RNF213: variants seen among roughly 807,000 people sequenced by gnomAD.
RNF213 encodes the protein ring finger protein 213, also known as E3 ubiquitin-protein ligase RNF213.
Under a neutral mutation model 514.4 loss-of-function variants are expected in RNF213, and 341 were observed. The observed-to-expected ratio is 0.66, with a 90% CI of 0.61 to 0.73. The LOEUF (loss-of-function observed/expected upper bound fraction) is 0.73. Ranked by LOEUF, RNF213 falls within the 30% of genes least tolerant of loss-of-function variation. The pLI is 0.00. For missense variants in RNF213, 5,767 were observed against 6,615.6 expected (o/e 0.87, Z 4.45); for synonymous variants, 2,655 against 2,658.2 (o/e 1.00, Z 0.04).
intron 26 of RNF213, 121 bp downstream of exon 26, chr17:80,340,477 T>A: frequency 2.1e-6 from 2 of 960,360 alleles, no homozygotes; most frequent in Non-Finnish European, 3.1e-6. Flanking sequence ...AGGGTGTGAT[T>A]CATCTGTGGG....
intron 54 of RNF213, among the ~76,000 whole-genome samples, chr17:80,378,952 T>C (rs1165366508): frequency 6.6e-6 from 1 of 152,188 alleles, no homozygotes; most frequent in Non-Finnish European, 1.5e-5. Context: ...GGCAGGTGGA[T>C]TGCTAGATCC....
At position 80,324,258 on chromosome 17, in the gene RNF213, T is replaced by TC. The variant is rs547920453; in HGVS notation, c.3025-770dup. On this transcript the variant is annotated intron_variant, in intron 17 of 67. Coordinates refer to ENST00000582970, the MANE Select transcript of RNF213 (RefSeq NM_001256071.3). ...ATGCCCTTTATCAGTTTGTGGAAGT[T>TC]CCTTTTTGTTCCTCATTTGTTGAAT... Among the ~76,000 whole-genome samples the TC allele has an allele frequency of 1.6e-4, 24 of 152,350 alleles. No individual in the cohort carries two copies. In the East Asian group the frequency reaches 3.3e-3, roughly 21 times the overall value.
chr17:80,343,341 C>T lies in RNF213; in HGVS notation c.6183+16C>T, dbSNP rs759103836. ...GACCTCCTCAGTAAGTGCCCTCCAG[C>T]GTCAGCCGATGGCCACATCAGTAAA... On this transcript the variant is annotated intron_variant, in intron 27 of 67. Transcript: ENST00000582970. This position sits in a 1 kb window ranked among gnomAD's most constrained non-coding sequence, Gnocchi z 4.3. 7.5e-6 allele frequency: 12 copies of T among 1,605,852 alleles called. No individual in the cohort carries two copies. Among genetic ancestry groups the T allele is most frequent in the South Asian group, 2.2e-5 (2 of 90,318 alleles).
chr17:80,354,282 AG>A (rs1375739793), intron 35 of RNF213, 116 bp downstream of exon 35: 5 of 1,497,618 alleles, frequency 3.3e-6, no homozygotes, highest in Non-Finnish European at 4.6e-6. Context: ...GCTCAGCAGA[AG>A]CAGTGACACA....
At position 80,356,415 on chromosome 17, in the gene RNF213, G is replaced by A. The variant is rs754092717; in HGVS notation, c.10862+1839G>A. 7.2e-5 allele frequency among the ~76,000 whole-genome samples: 11 copies of A among 152,340 alleles called. No individual in the cohort carries two copies. In the Middle Eastern group the frequency reaches 0.01, roughly 141 times the overall value. On this transcript the variant is annotated intron_variant, in intron 36 of 67. Coordinates refer to ENST00000582970, the MANE Select transcript of RNF213 (RefSeq NM_001256071.3). ...TTCACGCAGCACTAGGCCTGGCTCC[G>A]TCGTGTTCTGTGGTCACCGTGAGGC...
At chr17:80,371,369 G>C (rs1006489553) in intron 46 of RNF213, among the ~76,000 whole-genome samples, 1 of 152,256 alleles carries the variant, frequency 6.6e-6, no homozygotes, top group Non-Finnish European at 1.5e-5. Flanking sequence ...ATATGCTGCA[G>C]CGATGGGGAG....
intron 3 of RNF213, among the ~76,000 whole-genome samples, chr17:80,282,036 TA>T (rs2044322239): frequency 6.6e-6 from 1 of 151,850 alleles, no homozygotes. Flanking sequence ...TTTGTATTTT[TA>T]GTAGAGATGG....
intron 54 of RNF213, among the ~76,000 whole-genome samples, chr17:80,378,990 A>G (rs1246973474): frequency 6.6e-6 from 1 of 152,158 alleles, no homozygotes; most frequent in Admixed American, 6.5e-5. Flanking sequence ...CCCGGGCAAC[A>G]TGTTGAAACC....
At chr17:80,286,325 A>G (rs2044471195) in intron 3 of RNF213, among the ~76,000 whole-genome samples, 1 of 152,162 alleles carries the variant, frequency 6.6e-6, no homozygotes, top group Non-Finnish European at 1.5e-5. Context: ...TACACTGAGC[A>G]TGGGTTTCCT....
chr17:80,320,107 C>T (rs553218391), intron 17 of RNF213: 1 of 697,130 alleles, frequency 1.4e-6, no homozygotes, highest in Non-Finnish European at 1.8e-6. Flanking sequence ...TATGTACAGT[C>T]ATCACCACAG....
At chr17:80,318,846 G>T (rs9890817) in intron 16 of RNF213, among the ~76,000 whole-genome samples, 12,046 of 152,104 alleles carry the variant, frequency 0.079, 813 homozygotes, top group East Asian at 0.37. Context: ...GTGCTGGGAT[G>T]ACAGGCGTGA....
Position 80,340,266 on chromosome 17 carries a change from T to C in RNF213, c.5899T>C (p.Tyr1967His), listed in dbSNP as rs1260235486. Residue 1967 changes from tyrosine to histidine, a missense_variant, in exon 26 of 68, where the codon TAC becomes CAC. Physicochemically the swap from Tyr to His is moderately conservative, Grantham distance 83. Coordinates refer to ENST00000582970, the MANE Select transcript of RNF213 (RefSeq NM_001256071.3). ...CATCCAAGCCTACCTGGCAGGTCACTACCGGGTCCCGAAGCAGACCCTGTC... is the reference window on the plus strand; with the variant it reads ...CATCCAAGCCTACCTGGCAGGTCACCACCGGGTCCCGAAGCAGACCCTGTC... ...EAIQAYLAGH[Y>H]RVPKQTLSAA... 4.3e-6 allele frequency: 7 copies of C among 1,614,118 alleles called. No individual in the cohort carries two copies. The highest frequency in any genetic ancestry group is 5.9e-6 in the Non-Finnish European group (7 of 1,180,020).
chr17:80,326,694 G>A (rs555670707), intron 18 of RNF213, among the ~76,000 whole-genome samples: 15 of 152,210 alleles, frequency 9.9e-5, no homozygotes, highest in Non-Finnish European at 1.8e-4. Flanking sequence ...TTAGTAATAC[G>A]TATTTATGTT....
rs918055958 is a variant in RNF213 at position 80,351,612 on chromosome 17, C to T, written c.10185-73C>T. 57 of 856,696 alleles carry T rather than the reference C, an allele frequency of 6.7e-5. 1 individual carries two copies. Among genetic ancestry groups the T allele is most frequent in the Non-Finnish European group, 1.0e-4 (54 of 516,312 alleles). 53.1% of individuals were successfully genotyped at this position (856,696 alleles called of 1,614,324 possible). On this transcript the variant is annotated intron_variant, in intron 31 of 67. Transcript: ENST00000582970. ...ACCCTTCTGCAGCTGCACAGCTTTG[C>T]TTTGTTTATTTGCTTGTTTTTGTGT...
chr17:80,369,870 A>C lies in RNF213; in HGVS notation c.12425+3A>C. The C allele has an allele frequency of 2.5e-6, 4 of 1,587,822 alleles. No individual in the cohort carries two copies. Among genetic ancestry groups the C allele is most frequent in the Non-Finnish European group, 3.5e-6 (4 of 1,156,316 alleles). On this transcript the variant is annotated splice_donor_region_variant and intron_variant, in intron 46 of 67. Coordinates refer to ENST00000582970, the MANE Select transcript of RNF213 (RefSeq NM_001256071.3). ...CTGAAACTGCTTTTGAAGTACAGGT[A>C]AGAACAACATGGAGACTTGCTTCTG...
chr17:80,263,807 GGGGCAGT>G lies in RNF213; in HGVS notation c.97+33_97+39del, dbSNP rs755929593. 6.3e-7 allele frequency: 1 copy of G among 1,596,544 alleles called. No individual in the cohort carries two copies. Among genetic ancestry groups the G allele is most frequent in the Admixed American group, 1.7e-5 (1 of 59,962 alleles). ...AGGCCCAGGGGTGCTGGTGGAGGCT[GGGGCAGT>G]GGGGACCCCTGGAGATGTCTCACCT... On this transcript the variant is annotated intron_variant, in intron 2 of 67. Coordinates refer to ENST00000582970, the MANE Select transcript of RNF213 (RefSeq NM_001256071.3). This position sits in a 1 kb window ranked among gnomAD's most constrained non-coding sequence, Gnocchi z 4.9.
In RNF213 at chr17:80,380,955, G is replaced by A; in HGVS notation, c.13765G>A (p.Ala4589Thr). Residue 4589 changes from alanine (A) to threonine (T), a missense_variant, in exon 56 of 68, where the codon GCT becomes ACT. This residue lies in a region of RNF213 where 1,245 missense variants were observed against 1,339.0 expected (regional missense o/e 0.93). Coordinates refer to ENST00000582970, the MANE Select transcript of RNF213 (RefSeq NM_001256071.3). ...FLLIRLLTHL[A>T]LLLGASQSSQ... ...CCTTATCCGGCTACTCACTCACTTG[G>A]CTCTGCTTCTGGGAGCGTCCCAGAG... 2 of 1,614,180 alleles carry A rather than the reference G, an allele frequency of 1.2e-6. No individual in the cohort carries two copies. The highest frequency in any genetic ancestry group is 8.5e-7 in the Non-Finnish European group (1 of 1,180,040).
intron 18 of RNF213, among the ~76,000 whole-genome samples, chr17:80,327,260 G>C (rs2046303933): frequency 6.6e-6 from 1 of 152,202 alleles, no homozygotes; most frequent in Admixed American, 6.5e-5. Flanking sequence ...TGTTTTGGGA[G>C]GCCAAGGCGG....
chr17:80,384,338 C>T (rs182255742), intron 59 of RNF213, among the ~76,000 whole-genome samples: 93 of 152,278 alleles, frequency 6.1e-4, no homozygotes, highest in African/African-American at 2.0e-3. Context: ...ACGTGGAAGA[C>T]GGGAGTGAGT....
Sources: gnomAD v4.1 joint callset for allele counts (sites outside exome capture counted in the v4.1 genomes callset) on GRCh38, gnomAD v4.1.1 for gene constraint, gnomAD v4.1.1 regional missense constraint, Gnocchi (gnomAD v3.1) non-coding constraint, MANE v1.5 for transcripts, NCBI Gene and HGNC (gene_info 2026-07-23, HGNC 2026-07-21) for gene names.